Variants in PSD3 observed in about 807,000 individuals in gnomAD.
PSD3 encodes the protein PH and SEC7 domain-containing protein 3.
In PSD3, 49 loss-of-function variants were observed where a neutral mutation model predicts 105.5. The observed-to-expected ratio is 0.46, with a 90% CI of 0.37 to 0.59. PSD3 has a LOEUF of 0.59. PSD3 is among the 20% of genes least tolerant of loss of function. The pLI is 0.00. For synonymous variants in PSD3, 557 were observed against 457.8 expected (o/e 1.22, Z -2.77); for missense variants, 1,561 against 1,263.8 (o/e 1.24, Z -3.57).
chr8:18,543,612 T>A (rs1800274468), intron 15 of PSD3, among the ~76,000 whole-genome samples: 1 of 149,888 alleles, frequency 6.7e-6, no homozygotes, highest in Non-Finnish European at 1.5e-5. Context: ...AGCGAGACTC[T>A]CTCTCAAAAA....
intron 9 of PSD3, among the ~76,000 whole-genome samples, chr8:18,743,988 ACC>A: frequency 7.0e-6 from 1 of 143,436 alleles, no homozygotes; most frequent in Admixed American, 6.9e-5. Context: ...CACCACCACC[ACC>A]ACCACCACCC....
rs531172045 is a variant in PSD3 at position 18,867,929 on chromosome 8, G to A, written c.1379C>T (p.Ser460Phe). Reference sequence around the variant, plus strand: ...AGGCTCTGAGTATAATGTCTCCAGGGACTCTGCACTGTAGTATAAAGAAGT... The same window carrying A: ...AGGCTCTGAGTATAATGTCTCCAGGAACTCTGCACTGTAGTATAAAGAAGT... The part of the protein sequence containing the change: ...DNTSLYYSAE[S>F]LETLYSEPDS... The change falls in exon 4 of 16, where the codon TCC (serine) becomes TTC (phenylalanine). Residue 460 changes from serine (S) to phenylalanine (F), a missense_variant. By Grantham distance (155) the Ser-to-Phe change is radical. Coordinates refer to ENST00000327040, the MANE Select transcript of PSD3 (RefSeq NM_015310.4). The A allele has an allele frequency of 2.1e-5, 34 of 1,614,026 alleles. No individual in the cohort carries two copies. Among genetic ancestry groups the A allele is most frequent in the African/African-American group, 2.7e-5 (2 of 74,894 alleles).
chr8:18,546,385 C>A (rs560926071), intron 15 of PSD3, among the ~76,000 whole-genome samples: 1 of 152,146 alleles, frequency 6.6e-6, no homozygotes, highest in Admixed American at 6.6e-5. Context: ...CAGTCCATGT[C>A]CAATTTTGAG....
At chr8:18,694,424 G>A (rs934528420) in intron 9 of PSD3, among the ~76,000 whole-genome samples, 14 of 151,930 alleles carry the variant, frequency 9.2e-5, no homozygotes, top group Non-Finnish European at 1.8e-4. Context: ...TCCTGGCTAA[G>A]ATGGTGAAAC....
At chr8:18,897,617 A>T (rs1214703864) in intron 2 of PSD3, among the ~76,000 whole-genome samples, 3 of 152,144 alleles carry the variant, frequency 2.0e-5, no homozygotes, top group Non-Finnish European at 4.4e-5. Flanking sequence ...TACCATATTA[A>T]TTCTCCCAAT....
chr8:19,047,642 C>G (rs1018359791), intron 1 of PSD3, among the ~76,000 whole-genome samples: 1 of 152,132 alleles, frequency 6.6e-6, no homozygotes, highest in African/African-American at 2.4e-5. Flanking sequence ...GACCAGGTTT[C>G]TCTGTTAATT....
chr8:18,613,978 G>C (rs1805466752), intron 11 of PSD3, among the ~76,000 whole-genome samples: 1 of 152,058 alleles, frequency 6.6e-6, no homozygotes, highest in Non-Finnish European at 1.5e-5. Context: ...AGTTTCCTTT[G>C]AAAAACCCTC....
At chr8:18,555,278 A>T (rs1296282508) in intron 15 of PSD3, among the ~76,000 whole-genome samples, 1 of 152,132 alleles carries the variant, frequency 6.6e-6, no homozygotes, top group Non-Finnish European at 1.5e-5. Flanking sequence ...GATCGCTAGG[A>T]TGTGGACACT....
At chr8:18,583,104 G>A (rs955806507) in intron 12 of PSD3, among the ~76,000 whole-genome samples, 4 of 152,056 alleles carry the variant, frequency 2.6e-5, no homozygotes, top group Non-Finnish European at 5.9e-5. Flanking sequence ...GGGATTACAG[G>A]CGTGAGCCAC....
intron 1 of PSD3, among the ~76,000 whole-genome samples, chr8:18,946,930 A>G (rs1349520128): frequency 3.3e-5 from 5 of 149,834 alleles, no homozygotes; most frequent in Admixed American, 2.0e-4. Flanking sequence ...ATAAAATAAA[A>G]TAAATAAAAT....
At chr8:18,664,666 T>C (rs1563154660) in intron 9 of PSD3, among the ~76,000 whole-genome samples, 2 of 152,348 alleles carry the variant, frequency 1.3e-5, no homozygotes, top group Non-Finnish European at 1.5e-5. Flanking sequence ...TTTCAGTATA[T>C]ACAAAACAGC....
intron 4 of PSD3, among the ~76,000 whole-genome samples, chr8:18,820,171 C>CTT (rs11357749): frequency 2.3e-5 from 3 of 128,090 alleles, no homozygotes; most frequent in Non-Finnish European, 5.0e-5. Context: ...CATTTTTTTC[C>CTT]TTTTTTTTTT....
chr8:18,903,363 G>C (rs185511557), intron 2 of PSD3, among the ~76,000 whole-genome samples: 1 of 152,246 alleles, frequency 6.6e-6, no homozygotes, highest in Non-Finnish European at 1.5e-5. Context: ...GCCTCTGTGA[G>C]GCCAGGTGCA....
intron 1 of PSD3, among the ~76,000 whole-genome samples, chr8:19,033,315 C>T (rs754907188): frequency 6.6e-6 from 1 of 151,994 alleles, no homozygotes. Context: ...CTAGTTTATT[C>T]CGCCTCTACT....
At chr8:18,556,487 A>T (rs1376517028) in intron 14 of PSD3, 135 bp from the exon 15 acceptor site, 1 of 876,472 alleles carries the variant, frequency 1.1e-6, no homozygotes, top group Non-Finnish European at 1.7e-6. Context: ...CTGCTGCCAC[A>T]TCCTTCCAGC....
At chr8:19,038,516 C>T (rs1828019870) in intron 1 of PSD3, among the ~76,000 whole-genome samples, 1 of 152,180 alleles carries the variant, frequency 6.6e-6, no homozygotes, top group African/African-American at 2.4e-5. Context: ...GCCCAGACTG[C>T]AGTGCAGTAG....
At chr8:18,755,429 C>CAAAATAACATAACATAACATAACAT (rs1554490326) in intron 9 of PSD3, among the ~76,000 whole-genome samples, 12 of 136,886 alleles carry the variant, frequency 8.8e-5, no homozygotes, top group East Asian at 4.3e-4. Context: ...GACCCTGTCT[C>CAAAATAACATAACATAACATAACAT]AACATAACAT....
At chr8:18,985,547 C>T (rs1006707752) in intron 1 of PSD3, among the ~76,000 whole-genome samples, 2 of 152,134 alleles carry the variant, frequency 1.3e-5, no homozygotes, top group East Asian at 3.9e-4. Context: ...GGGGTCTTTG[C>T]TTAAGTCTGA....
intron 9 of PSD3, among the ~76,000 whole-genome samples, chr8:18,743,935 G>A (rs1804778265): frequency 6.9e-6 from 1 of 145,438 alleles, no homozygotes; most frequent in African/African-American, 2.6e-5. Context: ...ACTCCAGCCT[G>A]GGTGAAAGTG....
Sources: gnomAD v4.1 joint callset for allele counts (sites outside exome capture counted in the v4.1 genomes callset) on GRCh38, gnomAD v4.1.1 for gene constraint, MANE v1.5 for transcripts, NCBI Gene and HGNC (gene_info 2026-07-23, HGNC 2026-07-21) for gene names.